Variants in CACNA1E observed in about 807,000 individuals in gnomAD.
CACNA1E encodes voltage-dependent R-type calcium channel subunit alpha-1E.
In CACNA1E, 40 loss-of-function variants were observed where a neutral mutation model predicts 259.2. The observed-to-expected ratio is 0.15, with a 90% CI of 0.12 to 0.20. The LOEUF (loss-of-function observed/expected upper bound fraction) is 0.20. Among genes scored for constraint, CACNA1E ranks in the 10% least tolerant of loss-of-function variants. CACNA1E has a pLI of 1.00. For missense variants in CACNA1E, 1,874 were observed against 3,040.1 expected (o/e 0.62, Z 9.02); for synonymous variants, 1,104 against 1,138.5 (o/e 0.97, Z 0.61).
chr1:181,329,916 A>C (rs1279821024), intron 1 of CACNA1E, among the ~76,000 whole-genome samples: 1 of 152,130 alleles, frequency 6.6e-6, no homozygotes, highest in African/African-American at 2.4e-5. Flanking sequence ...GCAGCATATC[A>C]ATCACTGTTG....
chr1:181,695,079 T>A (rs1319847754), intron 7 of CACNA1E, among the ~76,000 whole-genome samples: 2 of 152,156 alleles, frequency 1.3e-5, no homozygotes, highest in Non-Finnish European at 2.9e-5. Flanking sequence ...ATGCTTGCAA[T>A]GACCAAGTTA....
At position 181,732,560 on chromosome 1, in the gene CACNA1E, G is replaced by A; in HGVS notation, c.2474G>A (p.Ser825Asn). 1.9e-6 allele frequency: 3 copies of A among 1,541,432 alleles called. No homozygotes were observed. Among genetic ancestry groups the A allele is most frequent in the Non-Finnish European group, 2.6e-6 (3 of 1,142,298 alleles). ...CTCAACCCGCTCAATGCCCACCCCA[G>A]CCTTTATCGGCGACCCAGGGCCATT... ...SSLNPLNAHPSLYRRPRAIEG... is the reference protein window; with the variant it reads ...SSLNPLNAHPNLYRRPRAIEG... Residue 825 changes from serine to asparagine, a missense_variant, in exon 20 of 48, where the codon AGC becomes AAC. Coordinates refer to ENST00000367573, the MANE Select transcript of CACNA1E (RefSeq NM_001205293.3). This position sits in a 1 kb window ranked among gnomAD's most constrained non-coding sequence, Gnocchi z 5.5.
intron 2 of CACNA1E, 121 bp from the exon 3 acceptor site, chr1:181,511,250 T>G: frequency 8.4e-7 from 1 of 1,187,158 alleles, no homozygotes; most frequent in Non-Finnish European, 1.2e-6. Flanking sequence ...CACCCTTGCT[T>G]CCCACCTACA....
intron 22 of CACNA1E, among the ~76,000 whole-genome samples, chr1:181,737,313 C>A (rs750625923): frequency 6.6e-6 from 1 of 152,180 alleles, no homozygotes; most frequent in Non-Finnish European, 1.5e-5. Flanking sequence ...TCTTGGCTTG[C>A]GTGCTGCAGC....
intron 1 of CACNA1E, among the ~76,000 whole-genome samples, chr1:181,319,943 C>T (rs1227316890): frequency 5.9e-5 from 9 of 152,236 alleles, no homozygotes; most frequent in Non-Finnish European, 1.3e-4. Context: ...TTACATGAGT[C>T]CCTCTGAAAT....
At chr1:181,796,574 C>T in intron 46 of CACNA1E, 94 bp from the exon 47 acceptor site, 2 of 946,178 alleles carry the variant, frequency 2.1e-6, no homozygotes, top group Non-Finnish European at 3.1e-6. Flanking sequence ...GGCCCAACCC[C>T]AGGCTGTGAT....
chr1:181,697,728 T>C (rs930157433), intron 7 of CACNA1E, among the ~76,000 whole-genome samples: 15 of 152,260 alleles, frequency 9.9e-5, no homozygotes, highest in African/African-American at 3.6e-4. Context: ...AGACATCAAA[T>C]ATCTGTAAAA....
At chr1:181,746,285 T>TG (rs1216541484) in intron 25 of CACNA1E, among the ~76,000 whole-genome samples, 2 of 152,196 alleles carry the variant, frequency 1.3e-5, no homozygotes, top group East Asian at 3.8e-4. Flanking sequence ...AACTTCCCCA[T>TG]GGGGTCTTTA....
intron 1 of CACNA1E, among the ~76,000 whole-genome samples, chr1:181,376,135 T>C (rs1655080794): frequency 6.6e-6 from 1 of 152,192 alleles, no homozygotes; most frequent in Non-Finnish European, 1.5e-5. Flanking sequence ...GGAGCCAGGA[T>C]AGGGCTTGAG....
chr1:181,598,082 G>C (rs984694795), intron 6 of CACNA1E, among the ~76,000 whole-genome samples: 1 of 152,204 alleles, frequency 6.6e-6, no homozygotes, highest in East Asian at 1.9e-4. Flanking sequence ...CTGGAACCTT[G>C]TCTTGTGAGC....
In CACNA1E at chr1:181,769,571, C is replaced by T. The variant is rs542313435; in HGVS notation, c.4882-1722C>T. On this transcript the variant is annotated intron_variant, in intron 35 of 47. Transcript: ENST00000367573. ...GATTACAGGTGTGAGCCACCATGCCCGGCTTGACTTGACTTAAATTATCTT... is the reference window on the plus strand; with the variant it reads ...GATTACAGGTGTGAGCCACCATGCCTGGCTTGACTTGACTTAAATTATCTT... Among the ~76,000 whole-genome samples, 7 of 151,454 alleles carry T rather than the reference C, an allele frequency of 4.6e-5. 2 individuals carry two copies. The highest frequency in any genetic ancestry group is 1.2e-4 in the African/African-American group (5 of 41,212).
chr1:181,762,805 TCAG>T lies in CACNA1E; in HGVS notation c.4689+150_4689+152del, dbSNP rs1051152820. The stretch of plus-strand genomic sequence containing the variant: ...GAATTTACTCCCTTGCTGCTTGGCA[TCAG>T]CCAGGGAATGCAAACTTGGGAGTGG... On this transcript the variant is annotated intron_variant, in intron 33 of 47. Transcript: ENST00000367573. The T allele has an allele frequency of 7.9e-6, 5 of 629,560 alleles. No homozygotes were observed. In the Admixed American group the frequency reaches 1.3e-4, roughly 17 times the overall value. 39.0% of individuals were successfully genotyped at this position (629,560 alleles called of 1,614,324 possible). A position where few individuals can be genotyped will look rare whatever the true frequency, so the allele number is the denominator to read the frequency against.
intron 12 of CACNA1E, among the ~76,000 whole-genome samples, chr1:181,718,870 A>G (rs954771959): frequency 6.6e-6 from 1 of 152,224 alleles, no homozygotes; most frequent in Non-Finnish European, 1.5e-5. Flanking sequence ...AAGAATAAAT[A>G]GAAGCTACCG....
At chr1:181,581,789 A>G (rs755020632) in intron 6 of CACNA1E, among the ~76,000 whole-genome samples, 2 of 152,026 alleles carry the variant, frequency 1.3e-5, no homozygotes. Context: ...CAGCCAGCCC[A>G]CCCCAAAACA....
intron 2 of CACNA1E, among the ~76,000 whole-genome samples, chr1:181,457,995 G>A (rs959499829): frequency 1.3e-5 from 2 of 152,202 alleles, no homozygotes; most frequent in African/African-American, 4.8e-5. Flanking sequence ...TCCACACAAG[G>A]TCTAAGTCCA....
intron 1 of CACNA1E, among the ~76,000 whole-genome samples, chr1:181,365,124 A>C (rs1257980804): frequency 6.6e-6 from 1 of 152,180 alleles, no homozygotes; most frequent in Non-Finnish European, 1.5e-5. Context: ...ACTGTGAATG[A>C]AGGTGAGGAC....
intron 2 of CACNA1E, among the ~76,000 whole-genome samples, chr1:181,477,404 C>T (rs1261382061): frequency 1.3e-5 from 2 of 152,180 alleles, no homozygotes; most frequent in Non-Finnish European, 1.5e-5. Context: ...TTTTTAGAGG[C>T]TATGACTGTG....
At chr1:181,585,931 GTT>G (rs1652016049) in intron 6 of CACNA1E, among the ~76,000 whole-genome samples, 1 of 152,174 alleles carries the variant, frequency 6.6e-6, no homozygotes, top group Non-Finnish European at 1.5e-5. Context: ...GCAATGGAGG[GTT>G]TTGAGGAAAG....
At chr1:181,456,846 G>A (rs1571913212) in intron 2 of CACNA1E, among the ~76,000 whole-genome samples, 1 of 152,284 alleles carries the variant, frequency 6.6e-6, no homozygotes, top group Non-Finnish European at 1.5e-5. Flanking sequence ...GTGGGATGTG[G>A]CAGCTGGAGG....
Sources: gnomAD v4.1 joint callset for allele counts (sites outside exome capture counted in the v4.1 genomes callset) on GRCh38, gnomAD v4.1.1 for gene constraint, Gnocchi (gnomAD v3.1) non-coding constraint, MANE v1.5 for transcripts, NCBI Gene and HGNC (gene_info 2026-07-23, HGNC 2026-07-21) for gene names.